Variants in CHD2 observed in about 807,000 individuals in gnomAD.
The protein encoded by CHD2 is ATP-dependent chromatin remodeler CHD2.
Under a neutral mutation model 243.9 loss-of-function variants are expected in CHD2, and 28 were observed. The ratio of observed to expected loss-of-function variants is 0.11; its 90% confidence interval spans 0.09 to 0.16. The LOEUF is 0.16. Ranked by LOEUF, CHD2 falls within the 10% of genes least tolerant of loss-of-function variation. CHD2 has a pLI of 1.00. For missense variants in CHD2, 1,386 were observed against 2,209.8 expected (o/e 0.63, Z 7.47); for synonymous variants, 775 against 779.0 (o/e 0.99, Z 0.09).
At chr15:92,903,569 CTT>C (rs72647783) in intron 2 of CHD2, among the ~76,000 whole-genome samples, 15,958 of 152,106 alleles carry the variant, frequency 0.1, 886 homozygotes, top group Middle Eastern at 0.26. Flanking sequence ...AAATTAAAAA[CTT>C]TAAAAAACGC....
At chr15:92,922,592 T>C (rs755075706) in intron 2 of CHD2, among the ~76,000 whole-genome samples, 2 of 152,222 alleles carry the variant, frequency 1.3e-5, no homozygotes, top group Non-Finnish European at 2.9e-5. Flanking sequence ...ATGGTAAATA[T>C]AGAACTTCCC....
At chr15:92,915,052 G>C (rs1249218133) in intron 2 of CHD2, 1 of 152,078 alleles carries the variant, frequency 6.6e-6, no homozygotes, top group Non-Finnish European at 1.5e-5. Flanking sequence ...TTTTGGTTTG[G>C]TCTGTTAGGG....
intron 5 of CHD2, among the ~76,000 whole-genome samples, chr15:92,933,456 T>TCATA (rs2053211210): frequency 1.3e-5 from 2 of 152,200 alleles, no homozygotes; most frequent in South Asian, 4.1e-4. Context: ...TGACTTAGAG[T>TCATA]CATACAAACA....
intron 13 of CHD2, 164 bp downstream of exon 13, chr15:92,949,240 C>T (rs1314786244): frequency 7.0e-7 from 1 of 1,437,982 alleles, no homozygotes; most frequent in Non-Finnish European, 9.0e-7. Flanking sequence ...AGAAATGCTT[C>T]CTGGGAGTTT....
At chr15:92,917,937 C>G (rs1250611458) in intron 2 of CHD2, among the ~76,000 whole-genome samples, 1 of 152,202 alleles carries the variant, frequency 6.6e-6, no homozygotes, top group East Asian at 1.9e-4. Context: ...TTATGGAATT[C>G]CAGTGTAGAT....
Position 92,950,209 on chromosome 15 carries a change from C to T in CHD2, c.1502+1133C>T, listed in dbSNP as rs116397848. ...TTATTCCCTTACTATATTTAACAGC[C>T]ACATAGGGCTTAACAAAGAGTTATT... On this transcript the variant is annotated intron_variant, in intron 13 of 38. Transcript: ENST00000394196. 8.3e-3 allele frequency among the ~76,000 whole-genome samples: 1,267 copies of T among 152,264 alleles called. 15 individuals are homozygous for T. The highest frequency in any genetic ancestry group is 0.028 in the African/African-American group (1,166 of 41,534).
chr15:92,972,054 G>C, intron 18 of CHD2, 127 bp downstream of exon 18: 1 of 1,102,894 alleles, frequency 9.1e-7, no homozygotes, highest in Non-Finnish European at 1.3e-6. Context: ...TTAAAAATGG[G>C]AGAGAAAAGG....
At chr15:92,957,952 A>G (rs1200846829) in intron 16 of CHD2, among the ~76,000 whole-genome samples, 1 of 152,000 alleles carries the variant, frequency 6.6e-6, no homozygotes, top group Non-Finnish European at 1.5e-5. Flanking sequence ...TTCACTTAGC[A>G]TATTTTTTTT....
intron 3 of CHD2, among the ~76,000 whole-genome samples, 158 bp from the exon 4 acceptor site, chr15:92,927,085 AT>A (rs1018722606): frequency 6.6e-6 from 1 of 152,188 alleles, no homozygotes; most frequent in African/African-American, 2.4e-5. Flanking sequence ...TAATATGCCT[AT>A]TTTAAAAAAA....
At chr15:92,989,025 CTTTTTTTT>C (rs34298248) in intron 26 of CHD2, among the ~76,000 whole-genome samples, 45 of 76,524 alleles carry the variant, frequency 5.9e-4, no homozygotes, top group African/African-American at 2.2e-3. Context: ...ATACTTCATA[CTTTTTTTT>C]TTTTTTTTTT....
chr15:93,027,353 C>G lies in CHD2; in HGVS notation c.*2648C>G, dbSNP rs1210153093. 1 of 152,202 alleles carries G rather than the reference C, an allele frequency of 6.6e-6. No individual in the cohort carries two copies. The highest frequency in any genetic ancestry group is 1.5e-5 in the Non-Finnish European group (1 of 68,044). The allele number at this position is 152,202 out of a possible 1,614,324, so 9.4% of individuals were successfully genotyped here. On this transcript the variant is annotated 3_prime_UTR_variant, in exon 39 of 39. Transcript: ENST00000394196. The stretch of plus-strand genomic sequence containing the variant: ...AAGAGGGAGTTAGCATCACCTAAAA[C>G]CTGCACGTGAACAAGGGTTGACATG...
chr15:92,944,361 G>A (rs2053429774), intron 9 of CHD2, 54 bp from the exon 10 acceptor site: 3 of 1,017,552 alleles, frequency 2.9e-6, no homozygotes, highest in Non-Finnish European at 4.6e-6. Context: ...TTTGATGTAT[G>A]TGGATCCCCA....
chr15:92,907,200 G>T (rs980161085), intron 2 of CHD2, among the ~76,000 whole-genome samples: 4 of 151,942 alleles, frequency 2.6e-5, no homozygotes, highest in African/African-American at 9.7e-5. Flanking sequence ...ATGAAGTGAG[G>T]GACAAGGCTT....
intron 2 of CHD2, 75 bp from the exon 3 acceptor site, chr15:92,924,246 A>C (rs563636111): frequency 1.5e-6 from 2 of 1,328,388 alleles, no homozygotes; most frequent in African/African-American, 1.5e-5. Context: ...ATGTTTTACC[A>C]TGAGAATTTT....
In CHD2 at chr15:93,025,965, C is replaced by T. The variant is rs1336632044; in HGVS notation, c.*1260C>T. On this transcript the variant is annotated 3_prime_UTR_variant, in exon 39 of 39. Coordinates refer to ENST00000394196, the MANE Select transcript of CHD2 (RefSeq NM_001271.4). Reference sequence around the variant, plus strand: ...TCTTAGAATATAATCAGGTATAAACCTAAGTTAAACTTTTTCCCAAACAAG... The same window carrying T: ...TCTTAGAATATAATCAGGTATAAACTTAAGTTAAACTTTTTCCCAAACAAG... 6.6e-6 allele frequency: 1 copy of T among 152,518 alleles called. No homozygotes were observed. The highest frequency in any genetic ancestry group is 1.5e-5 in the Non-Finnish European group (1 of 68,036). 9.4% of individuals were successfully genotyped at this position (152,518 alleles called of 1,614,324 possible).
intron 20 of CHD2, among the ~76,000 whole-genome samples, chr15:92,977,433 T>A (rs1288839814): frequency 6.6e-6 from 1 of 152,244 alleles, no homozygotes; most frequent in African/African-American, 2.4e-5. Context: ...TCAATGCTGC[T>A]TCTCTCTGCT....
chr15:92,968,025 A>G (rs953963719), intron 17 of CHD2, among the ~76,000 whole-genome samples: 1 of 151,912 alleles, frequency 6.6e-6, no homozygotes, highest in Admixed American at 6.6e-5. Context: ...TTATTTTGGG[A>G]TCAACGTAAG....
chr15:93,002,063 G>A, intron 32 of CHD2, 114 bp from the exon 33 acceptor site: 1 of 1,372,804 alleles, frequency 7.3e-7, no homozygotes. Context: ...TTGAAAACAA[G>A]CTTCTAAGTA....
At chr15:92,953,286 C>G in intron 13 of CHD2, 71 bp from the exon 14 acceptor site, 2 of 1,243,508 alleles carry the variant, frequency 1.6e-6, no homozygotes, top group Admixed American at 1.9e-5. Flanking sequence ...GGTGTCGTTG[C>G]TGTTTATGCA....
Sources: gnomAD v4.1 joint callset for allele counts (sites outside exome capture counted in the v4.1 genomes callset) on GRCh38, gnomAD v4.1.1 for gene constraint, MANE v1.5 for transcripts, NCBI Gene and HGNC (gene_info 2026-07-23, HGNC 2026-07-21) for gene names.